Variants in HVCN1 observed in about 807,000 individuals in gnomAD.
HVCN1 encodes the protein hydrogen voltage gated channel 1.
In HVCN1, 14 loss-of-function variants were observed where a neutral mutation model predicts 29.2. The ratio of observed to expected loss-of-function variants is 0.48; its 90% CI spans 0.32 to 0.75. HVCN1 has a LOEUF of 0.75. Ranked by LOEUF, HVCN1 falls within the 30% of genes least tolerant of loss-of-function variation. The pLI is 0.04. For missense variants in HVCN1, 263 were observed against 341.8 expected (o/e 0.77, Z 1.82); for synonymous variants, 131 against 133.2 (o/e 0.98, Z 0.11).
At chr12:110,690,698 G>A (rs1362028147), upstream of HVCN1, among the ~76,000 whole-genome samples, 1 of 151,990 alleles carries the variant, frequency 6.6e-6, no homozygotes, top group African/African-American at 2.4e-5. Context: ...GACTGGTCTC[G>A]AACTCCTGAC....
upstream of HVCN1, among the ~76,000 whole-genome samples, chr12:110,691,911 C>T (rs866369164): frequency 2.0e-5 from 3 of 152,206 alleles, no homozygotes; most frequent in Non-Finnish European, 4.4e-5. Context: ...CAGCAGGGAC[C>T]TATGTCCATA....
chr12:110,669,718 T>A (rs1283167672), intron 3 of HVCN1, among the ~76,000 whole-genome samples: 1 of 151,702 alleles, frequency 6.6e-6, no homozygotes, highest in South Asian at 2.1e-4. Context: ...CTGTGAACGC[T>A]GGGAGGGCAG....
At chr12:110,693,182 G>A (rs1198375171), upstream of HVCN1, among the ~76,000 whole-genome samples, 1 of 151,946 alleles carries the variant, frequency 6.6e-6, no homozygotes, top group African/African-American at 2.4e-5. Flanking sequence ...TGAGCCACTG[G>A]CCTTTAACTG....
chr12:110,652,064 C>A (rs1327021950), intron 5 of HVCN1, among the ~76,000 whole-genome samples: 3 of 152,180 alleles, frequency 2.0e-5, no homozygotes, highest in Non-Finnish European at 2.9e-5. Flanking sequence ...GGAGTGATCA[C>A]CAAGGTGGTG....
Position 110,661,549 on chromosome 12 carries a change from G to T in HVCN1, c.22-101C>A. The T allele has an allele frequency of 8.8e-7, 1 of 1,136,350 alleles. No homozygotes were observed. Among genetic ancestry groups the T allele is most frequent in the Non-Finnish European group, 1.3e-6 (1 of 797,590 alleles). 70.4% of individuals were successfully genotyped at this position (1,136,350 alleles called of 1,614,324 possible). ...GCCACTGCAGGTGAAGATGGTCCCG[G>T]GTGCGTAGAACCCCCTGCAAGCAGA... On this transcript the variant is annotated intron_variant, in intron 3 of 7. Coordinates refer to ENST00000242607, the MANE Select transcript of HVCN1 (RefSeq NM_032369.4). The surrounding 1 kb of genome is among the most constrained non-coding windows in gnomAD (Gnocchi z 6.2).
chr12:110,684,709 C>T (rs1311902773), intron 2 of HVCN1, among the ~76,000 whole-genome samples: 1 of 152,184 alleles, frequency 6.6e-6, no homozygotes, highest in Non-Finnish European at 1.5e-5. Context: ...TGAACTTTTA[C>T]AATGAGTAGG....
intron 3 of HVCN1, among the ~76,000 whole-genome samples, chr12:110,667,216 C>A (rs1477770766): frequency 6.6e-6 from 1 of 152,154 alleles, no homozygotes; most frequent in Non-Finnish European, 1.5e-5. Context: ...CTCACTGCAA[C>A]CTCCACCTCC....
In HVCN1 at chr12:110,701,916, C is replaced by CAACAAA. The variant is rs532906104; in HGVS notation, c.-104+392_-104+393insTTTGTT. ...ACAACAACAACAACAACAACAACAA[C>CAACAAA]AAAACACACACAGGTCCCGGTAGCT... On this transcript the variant is annotated intron_variant, in intron 2 of 4. Transcript: ENST00000546713. Among the ~76,000 whole-genome samples the CAACAAA allele has an allele frequency of 3.9e-3, 585 of 151,012 alleles. 5 individuals are homozygous for CAACAAA. The highest frequency in any genetic ancestry group is 6.8e-3 in the Middle Eastern group (2 of 294).
chr12:110,703,009 A>C (rs1445482162), intron 1 of HVCN1, among the ~76,000 whole-genome samples: 1 of 151,790 alleles, frequency 6.6e-6, no homozygotes, highest in Non-Finnish European at 1.5e-5. Context: ...GCTGGTCTTG[A>C]ACTCCTGACC....
intron 3 of HVCN1, among the ~76,000 whole-genome samples, chr12:110,667,377 G>A (rs1439395822): frequency 6.6e-6 from 1 of 151,670 alleles, no homozygotes; most frequent in Non-Finnish European, 1.5e-5. Flanking sequence ...CAGGTGATCC[G>A]CCCGCCTCTG....
intron 3 of HVCN1, among the ~76,000 whole-genome samples, chr12:110,669,940 C>T (rs557707850): frequency 6.6e-6 from 1 of 152,260 alleles, no homozygotes; most frequent in South Asian, 2.1e-4. Flanking sequence ...CCTGTAATCC[C>T]AGCTACCTGG....
chr12:110,689,981 G>C (rs1014988193), upstream of HVCN1, among the ~76,000 whole-genome samples: 2 of 152,240 alleles, frequency 1.3e-5, no homozygotes, highest in African/African-American at 4.8e-5. This position sits in a 1 kb window ranked among gnomAD's most constrained non-coding sequence, Gnocchi z 5.7. Context: ...CCTTGGGGTT[G>C]TGTTAGTTTC....
chr12:110,674,008 CA>C (rs763719721), intron 3 of HVCN1, among the ~76,000 whole-genome samples: 4 of 152,216 alleles, frequency 2.6e-5, no homozygotes, highest in Non-Finnish European at 5.9e-5. Flanking sequence ...CAATAGCTTG[CA>C]CCATATACCT....
At chr12:110,696,173 C>T (rs545321790) in intron 2 of HVCN1, among the ~76,000 whole-genome samples, 3 of 151,574 alleles carry the variant, frequency 2.0e-5, no homozygotes, top group East Asian at 1.9e-4. Flanking sequence ...AGGCAGGTCT[C>T]GAACTCCTGA....
intron 2 of HVCN1, among the ~76,000 whole-genome samples, chr12:110,697,291 A>G (rs915844972): frequency 6.6e-6 from 1 of 151,974 alleles, no homozygotes; most frequent in Non-Finnish European, 1.5e-5. Flanking sequence ...AGTGTTGACA[A>G]AGGGGTTCAG....
Position 110,649,233 on chromosome 12 carries a change from T to TTGGTGGTAC in HVCN1, c.*168_*176dup, listed in dbSNP as rs2067663390. The TTGGTGGTAC allele has an allele frequency of 4.5e-6, 3 of 672,568 alleles. No individual in the cohort carries two copies. The highest frequency in any genetic ancestry group is 8.1e-6 in the Non-Finnish European group (3 of 370,084). 41.7% of individuals were successfully genotyped at this position (672,568 alleles called of 1,614,324 possible). On this transcript the variant is annotated 3_prime_UTR_variant, in exon 8 of 8. Transcript: ENST00000242607. The stretch of plus-strand genomic sequence containing the variant: ...TGGGGTGGGAGTGGATGGGCAGCTC[T>TTGGTGGTAC]TGGTGGTACTGGACCTTCCACAAGG...
At chr12:110,674,786 C>CT (rs2068693909) in intron 3 of HVCN1, among the ~76,000 whole-genome samples, 1 of 152,182 alleles carries the variant, frequency 6.6e-6, no homozygotes, top group African/African-American at 2.4e-5. Context: ...AATTAAACCT[C>CT]TTTTTCTTCC....
chr12:110,686,158 C>T (rs148719882), intron 2 of HVCN1, among the ~76,000 whole-genome samples: 1 of 151,706 alleles, frequency 6.6e-6, no homozygotes, highest in Admixed American at 6.6e-5. Flanking sequence ...ACCACCACGC[C>T]CAGCTAAAAT....
At chr12:110,696,545 T>C (rs367951605) in intron 2 of HVCN1, among the ~76,000 whole-genome samples, 1 of 151,122 alleles carries the variant, frequency 6.6e-6, no homozygotes, top group African/African-American at 2.4e-5. Context: ...CAAGACCCCA[T>C]CTCTAAGAAA....
Sources: allele counts gnomAD v4.1 joint callset (sites outside exome capture counted in the v4.1 genomes callset), GRCh38; gene constraint gnomAD v4.1.1; non-coding constraint Gnocchi (gnomAD v3.1); transcripts MANE v1.5; gene names NCBI Gene and HGNC (gene_info 2026-07-23, HGNC 2026-07-21).